Variants in SLC24A2 observed in about 807,000 individuals in gnomAD.
SLC24A2 encodes sodium/potassium/calcium exchanger 2.
A neutral mutation model predicts 62.0 loss-of-function variants in SLC24A2; 36 were observed. That is an observed-to-expected ratio of 0.58 (90% CI 0.44 to 0.77). SLC24A2 has a LOEUF of 0.77. Ranked by LOEUF, SLC24A2 falls within the 30% of genes least tolerant of loss-of-function variation. The pLI is 0.00. For missense variants in SLC24A2, 846 were observed against 817.9 expected (o/e 1.03, Z -0.42); for synonymous variants, 358 against 294.0 (o/e 1.22, Z -2.23).
At chr9:19,931,676 G>C in the SLC24A2 span, among the ~76,000 whole-genome samples, 8 of 152,078 alleles carry the variant, frequency 5.3e-5, no homozygotes, top group Non-Finnish European at 1.0e-4. Flanking sequence ...GGTTTGCCCA[G>C]GACTGTCCCA....
the SLC24A2 span, among the ~76,000 whole-genome samples, chr9:20,287,091 G>A: frequency 2.0e-5 from 3 of 152,300 alleles, no homozygotes; most frequent in Non-Finnish European, 4.4e-5. Flanking sequence ...TAAGTCTGAT[G>A]CAGTGAGCTG....
At chr9:20,252,656 G>C in the SLC24A2 span, among the ~76,000 whole-genome samples, 3 of 152,180 alleles carry the variant, frequency 2.0e-5, no homozygotes, top group East Asian at 5.8e-4. Context: ...CAGGCTGATG[G>C]TAAGAAACTC....
At chr9:20,072,458 T>A in the SLC24A2 span, among the ~76,000 whole-genome samples, 1 of 152,156 alleles carries the variant, frequency 6.6e-6, no homozygotes, top group Non-Finnish European at 1.5e-5. Flanking sequence ...CTCCCTGTTA[T>A]GGGAGTTCTT....
chr9:19,662,212 CATT>C (rs1477535643), intron 2 of SLC24A2, among the ~76,000 whole-genome samples: 5 of 152,296 alleles, frequency 3.3e-5, no homozygotes, highest in African/African-American at 9.6e-5. Flanking sequence ...AATATAGCCA[CATT>C]ATTATTGTTT....
intron 2 of SLC24A2, among the ~76,000 whole-genome samples, chr9:19,770,884 G>T (rs550971316): frequency 6.6e-6 from 1 of 152,086 alleles, no homozygotes; most frequent in Non-Finnish European, 1.5e-5. Flanking sequence ...TTAAATTTCT[G>T]TAACCCAACT....
chr9:19,948,648 G>C, the SLC24A2 span, among the ~76,000 whole-genome samples: 1 of 151,782 alleles, frequency 6.6e-6, no homozygotes, highest in Non-Finnish European at 1.5e-5. Context: ...ACGAGGTCAG[G>C]AGATCGAGAC....
intron 7 of SLC24A2, among the ~76,000 whole-genome samples, chr9:19,557,984 T>A (rs1835182927): frequency 6.6e-6 from 1 of 151,924 alleles, no homozygotes; most frequent in South Asian, 2.1e-4. Context: ...CATGGCTAAT[T>A]TTTGTTTATT....
chr9:19,850,986 T>TATATATAC, the SLC24A2 span, among the ~76,000 whole-genome samples: 4 of 32,102 alleles, frequency 1.2e-4, no homozygotes, highest in Non-Finnish European at 2.3e-4. Context: ...TATATATATG[T>TATATATAC]ATATATATAT....
At chr9:20,235,918 T>C in the SLC24A2 span, among the ~76,000 whole-genome samples, 1 of 152,226 alleles carries the variant, frequency 6.6e-6, no homozygotes, top group Non-Finnish European at 1.5e-5. Flanking sequence ...GTCTTGAGCC[T>C]CACTGTAAGC....
intron 7 of SLC24A2, among the ~76,000 whole-genome samples, chr9:19,567,560 AAAAAGG>A: frequency 7.8e-6 from 1 of 128,452 alleles, no homozygotes; most frequent in East Asian, 2.4e-4. Context: ...AAAAAAAAAA[AAAAAGG>A]TAAGGAATAT....
intron 2 of SLC24A2, among the ~76,000 whole-genome samples, chr9:19,710,242 T>G (rs148102869): frequency 6.6e-6 from 1 of 152,118 alleles, no homozygotes; most frequent in Non-Finnish European, 1.5e-5. Context: ...TCTGCCCCTA[T>G]GGGTAGAGGA....
At chr9:19,830,978 G>A in the SLC24A2 span, among the ~76,000 whole-genome samples, 4 of 152,190 alleles carry the variant, frequency 2.6e-5, no homozygotes, top group Non-Finnish European at 5.9e-5. Flanking sequence ...AGAGGGTGCA[G>A]TGTTGCGACA....
At chr9:20,174,034 G>A in the SLC24A2 span, among the ~76,000 whole-genome samples, 2 of 152,030 alleles carry the variant, frequency 1.3e-5, no homozygotes, top group Non-Finnish European at 2.9e-5. Context: ...AGAGAACCCA[G>A]AAATAAACCG....
the SLC24A2 span, among the ~76,000 whole-genome samples, chr9:20,003,463 T>A: frequency 9.2e-5 from 14 of 152,294 alleles, no homozygotes; most frequent in East Asian, 2.5e-3. Context: ...GGTACAGTAG[T>A]CCTACTTTGG....
chr9:20,099,792 A>T, the SLC24A2 span, among the ~76,000 whole-genome samples: 4 of 152,170 alleles, frequency 2.6e-5, no homozygotes, highest in African/African-American at 7.2e-5. Context: ...TGTAGAAAAT[A>T]GCTGCAATAC....
At position 19,685,893 on chromosome 9, in the gene SLC24A2, T is replaced by C. The variant is rs1009732671; in HGVS notation, c.931-63594A>G. Among the ~76,000 whole-genome samples, 4 of 151,946 alleles carry C rather than the reference T, an allele frequency of 2.6e-5. No homozygotes were observed. The East Asian group carries it at 7.7e-4, about 29-fold the overall frequency. On this transcript the variant is annotated intron_variant, in intron 2 of 10. Coordinates refer to ENST00000341998, the MANE Select transcript of SLC24A2 (RefSeq NM_020344.4). ...TCATGATGAAGATGCCAAAAACAAA[T>C]GCAACAAAAACAAAAATGGACAAAT...
chr9:19,689,543 A>G (rs1040163264), intron 2 of SLC24A2, among the ~76,000 whole-genome samples: 2 of 152,096 alleles, frequency 1.3e-5, no homozygotes, highest in African/African-American at 2.4e-5. Flanking sequence ...CATGTTTATT[A>G]CAGTTTGCAG....
At chr9:20,254,858 C>T in the SLC24A2 span, among the ~76,000 whole-genome samples, 3 of 152,076 alleles carry the variant, frequency 2.0e-5, no homozygotes, top group South Asian at 4.1e-4. Context: ...ACAGTCCTGG[C>T]GGAATGTGAA....
intron 2 of SLC24A2, among the ~76,000 whole-genome samples, chr9:19,735,327 G>C (rs1431892211): frequency 2.0e-5 from 3 of 152,084 alleles, no homozygotes; most frequent in Non-Finnish European, 4.4e-5. Context: ...ACACCAGTTA[G>C]AATGGCAATC....
Sources: allele counts gnomAD v4.1 joint callset (sites outside exome capture counted in the v4.1 genomes callset), GRCh38; gene constraint gnomAD v4.1.1; transcripts MANE v1.5; gene names NCBI Gene and HGNC (gene_info 2026-07-23, HGNC 2026-07-21).